Variants in ABCC6 observed in about 807,000 individuals in gnomAD.
ABCC6 encodes the protein ATP binding cassette subfamily C member 6, also known as ATP-binding cassette sub-family C member 6.
A neutral mutation model predicts 169.5 loss-of-function variants in ABCC6; 126 were observed. The observed-to-expected ratio is 0.74, with a 90% CI of 0.64 to 0.86. The LOEUF is 0.86. ABCC6 is among the 40% of genes least tolerant of loss of function. The pLI is 0.00. For synonymous variants in ABCC6, 752 were observed against 814.7 expected (o/e 0.92, Z 1.31); for missense variants, 1,733 against 1,927.2 (o/e 0.90, Z 1.89).
intron 17 of ABCC6, 147 bp from the exon 18 acceptor site, chr16:16,179,112 A>G (rs1316788082): frequency 3.3e-6 from 3 of 912,594 alleles, no homozygotes; most frequent in Non-Finnish European, 5.1e-6. Flanking sequence ...CCCAGCTTCC[A>G]AGGCACTCGC....
intron 1 of ABCC6, among the ~76,000 whole-genome samples, chr16:16,222,863 G>C (rs1356518729): frequency 6.6e-6 from 1 of 152,172 alleles, no homozygotes; most frequent in African/African-American, 2.4e-5. Flanking sequence ...TGTAAAAGGG[G>C]GAAAACGAGA....
chr16:16,203,592 A>G lies in ABCC6; in HGVS notation c.816T>C (p.Phe272=). 4 of 1,614,004 alleles carry G rather than the reference A, an allele frequency of 2.5e-6. No homozygotes were observed. The highest frequency in any genetic ancestry group is 3.4e-6 in the Non-Finnish European group (4 of 1,179,870). Residue 272 remains phenylalanine, a synonymous_variant, in exon 8 of 31, where the codon TTT becomes TTC. Coordinates refer to ENST00000205557, the MANE Select transcript of ABCC6 (RefSeq NM_001171.6). The part of the protein sequence containing the change: ...AARRHNKAIA[F]KRKGGSGMKA... ...TCATGCCACTGCCGCCTTTCCTTTTAAATGCTATTGCCTTGTTGTGCCTGA... is the reference window on the plus strand; with the variant it reads ...TCATGCCACTGCCGCCTTTCCTTTTGAATGCTATTGCCTTGTTGTGCCTGA...
chr16:16,198,329 T>C (rs1016106471), intron 9 of ABCC6, 147 bp from the exon 10 acceptor site: 2 of 815,620 alleles, frequency 2.5e-6, no homozygotes, highest in Non-Finnish European at 3.8e-6. Context: ...CAGGGCTCTT[T>C]GAGGATCCAC....
chr16:16,161,653 C>T (rs2046723493), intron 24 of ABCC6, 89 bp from the exon 25 acceptor site: 3 of 1,567,904 alleles, frequency 1.9e-6, no homozygotes, highest in Non-Finnish European at 2.6e-6. Flanking sequence ...ATCACACCAG[C>T]TTTGTACACA....
intron 21 of ABCC6, 141 bp downstream of exon 21, chr16:16,173,143 G>T: frequency 9.1e-7 from 1 of 1,098,146 alleles, no homozygotes; most frequent in Non-Finnish European, 1.3e-6. Flanking sequence ...TTAAGAAAAT[G>T]AACATCTAGA....
chr16:16,205,858 A>AT (rs1170679955), intron 7 of ABCC6, among the ~76,000 whole-genome samples: 3 of 152,022 alleles, frequency 2.0e-5, no homozygotes, highest in Non-Finnish European at 2.9e-5. Context: ...GGAAAAACAG[A>AT]TTGAGTGATG....
At chr16:16,179,746 A>C (rs566611605) in intron 17 of ABCC6, among the ~76,000 whole-genome samples, 38 of 152,038 alleles carry the variant, frequency 2.5e-4, no homozygotes, top group Non-Finnish European at 4.4e-4. Context: ...ACCCACTACC[A>C]CGCCTGGCTA....
At chr16:16,215,191 G>A (rs2048816348) in intron 4 of ABCC6, among the ~76,000 whole-genome samples, 1 of 152,154 alleles carries the variant, frequency 6.6e-6, no homozygotes, top group Non-Finnish European at 1.5e-5. Flanking sequence ...CTGAGCACAT[G>A]CGGCATTCTT....
intron 29 of ABCC6, among the ~76,000 whole-genome samples, chr16:16,152,492 C>G (rs1038209218): frequency 9.9e-5 from 15 of 152,082 alleles, no homozygotes; most frequent in Non-Finnish European, 2.1e-4. Context: ...AGGCAAGCCC[C>G]AGGCCTCCAA....
At chr16:16,192,694 G>T in intron 11 of ABCC6, 136 bp downstream of exon 11, 1 of 789,532 alleles carries the variant, frequency 1.3e-6, no homozygotes, top group Non-Finnish European at 2.2e-6. Flanking sequence ...TCTGAGTGAT[G>T]GGCAGCTCAC....
Position 16,175,911 on chromosome 16 carries a change from C to T in ABCC6, c.2666G>A (p.Arg889Lys), listed in dbSNP as rs776065362. ...GAGTGTGGCACCATGGTGGACTCAC[C>T]TCTCGCGTCTAAGCTCGGGCCTCCT... The part of the protein sequence containing the change: ...AGRRPELRRE[R>K]SIKSVPEKDR... Residue 889 changes from arginine (R) to lysine (K), a missense_variant and splice_region_variant, in exon 20 of 31, where the codon AGG (arginine) becomes AAG (lysine). This residue lies in a region of ABCC6 where 1,601 missense variants were observed against 1,635.5 expected (regional missense o/e 0.98). Coordinates refer to ENST00000205557, the MANE Select transcript of ABCC6 (RefSeq NM_001171.6). The T allele has an allele frequency of 1.2e-5, 19 of 1,614,004 alleles. No homozygotes were observed. The highest frequency in any genetic ancestry group is 1.4e-5 in the Non-Finnish European group (17 of 1,180,038).
At chr16:16,203,848 A>G (rs1271040901) in intron 7 of ABCC6, among the ~76,000 whole-genome samples, 1 of 152,100 alleles carries the variant, frequency 6.6e-6, no homozygotes, top group Non-Finnish European at 1.5e-5. Flanking sequence ...GCCATGGGAA[A>G]GCACACCTGT....
intron 9 of ABCC6, among the ~76,000 whole-genome samples, chr16:16,199,721 C>G (rs1227443801): frequency 7.7e-6 from 1 of 130,126 alleles, no homozygotes; most frequent in Non-Finnish European, 1.8e-5. Flanking sequence ...AGAGATGAGG[C>G]TTGCTCTCCC....
chr16:16,183,343 C>T (rs28572220), intron 15 of ABCC6, among the ~76,000 whole-genome samples: 4,546 of 152,266 alleles, frequency 0.03, 126 homozygotes, highest in African/African-American at 0.071. Flanking sequence ...GGCCTCCTGC[C>T]TTGGCTCTTG....
intron 4 of ABCC6, among the ~76,000 whole-genome samples, chr16:16,216,655 C>T (rs1031561281): frequency 6.7e-6 from 1 of 148,448 alleles, no homozygotes; most frequent in African/African-American, 2.5e-5. Context: ...GTGCAGAGAT[C>T]TCTTCCATGT....
intron 4 of ABCC6, among the ~76,000 whole-genome samples, chr16:16,216,216 C>T (rs2048867717): frequency 6.6e-6 from 1 of 152,186 alleles, no homozygotes; most frequent in Non-Finnish European, 1.5e-5. Flanking sequence ...GCCACTGTGT[C>T]CAGCCTCTTT....
At chr16:16,169,516 C>T (rs957761015) in intron 22 of ABCC6, 130 bp downstream of exon 22, 2 of 1,082,634 alleles carry the variant, frequency 1.8e-6, no homozygotes, top group African/African-American at 3.1e-5. Context: ...AGATCTTTGC[C>T]TGGACCCCAG....
chr16:16,208,659 A>G (rs2048480321), intron 7 of ABCC6, 69 bp downstream of exon 7: 8 of 1,612,246 alleles, frequency 5.0e-6, no homozygotes, highest in Admixed American at 3.3e-5. Flanking sequence ...GTCGTGAGCC[A>G]CCGCACCCGG....
At chr16:16,200,544 C>T (rs1227695661) in intron 9 of ABCC6, among the ~76,000 whole-genome samples, 1 of 142,890 alleles carries the variant, frequency 7.0e-6, no homozygotes, top group African/African-American at 2.5e-5. Flanking sequence ...AATGCCTGCT[C>T]ACCAGGCGGC....
Sources: allele counts gnomAD v4.1 joint callset (sites outside exome capture counted in the v4.1 genomes callset), GRCh38; gene constraint gnomAD v4.1.1; regional missense constraint gnomAD v4.1.1; transcripts MANE v1.5; gene names NCBI Gene and HGNC (gene_info 2026-07-23, HGNC 2026-07-21).